The following WWOX variants were observed in gnomAD, a reference collection of about 807,000 sequenced individuals.
WWOX encodes the protein WW domain containing oxidoreductase, also known as WW domain-containing oxidoreductase.
Under a neutral mutation model 46.2 loss-of-function variants are expected in WWOX, and 69 were observed. That is an observed-to-expected ratio of 1.49 (90% CI 1.23 to 1.82). WWOX has a LOEUF of 1.82. Ranked by LOEUF, WWOX falls within the 40% of genes most tolerant of loss-of-function variation. WWOX has a pLI of 0.00. For missense variants in WWOX, 919 were observed against 542.6 expected, an observed-to-expected ratio of 1.69 and a Z score of -6.89; for synonymous variants, 359 against 202.6, an observed-to-expected ratio of 1.77 and a Z score of -6.56.
chr16:78,874,853 C>T (rs985594149), intron 8 of WWOX, among the ~76,000 whole-genome samples: 1 of 152,104 alleles, frequency 6.6e-6, no homozygotes, highest in South Asian at 2.1e-4. Flanking sequence ...ACTGGACTTT[C>T]CTACAGCAAG....
chr16:78,802,103 C>T (rs1275796221), intron 8 of WWOX, among the ~76,000 whole-genome samples: 1 of 151,844 alleles, frequency 6.6e-6, no homozygotes, highest in Non-Finnish European at 1.5e-5. Context: ...AAGGAATGTG[C>T]CTGTGCGTGA....
At chr16:79,108,515 T>A (rs1381101217) in intron 8 of WWOX, among the ~76,000 whole-genome samples, 2 of 152,244 alleles carry the variant, frequency 1.3e-5, no homozygotes, top group Non-Finnish European at 2.9e-5. Context: ...AGCTGTGCAG[T>A]CCTGGATGAA....
chr16:78,743,095 A>G (rs751273729), intron 8 of WWOX, among the ~76,000 whole-genome samples: 55 of 151,934 alleles, frequency 3.6e-4, no homozygotes, highest in Non-Finnish European at 6.3e-4. Context: ...CGAAGGAAAC[A>G]TCCGTCTCTC....
chr16:78,984,036 C>T (rs1204960654), intron 8 of WWOX, among the ~76,000 whole-genome samples: 2 of 150,974 alleles, frequency 1.3e-5, no homozygotes, highest in African/African-American at 4.9e-5. Context: ...TGCCACCATG[C>T]CCGGCTATTT....
intron 8 of WWOX, among the ~76,000 whole-genome samples, chr16:79,039,475 G>C (rs550256073): frequency 7.9e-5 from 12 of 152,130 alleles, no homozygotes; most frequent in Admixed American, 1.3e-4. Context: ...AACCAGAGGC[G>C]ACGCATTTGC....
chr16:78,706,486 C>G (rs2142310347), intron 8 of WWOX, among the ~76,000 whole-genome samples: 1 of 152,322 alleles, frequency 6.6e-6, no homozygotes, highest in East Asian at 1.9e-4. Context: ...GGCTCTTCCT[C>G]TCCTCTTTTT....
intron 8 of WWOX, among the ~76,000 whole-genome samples, chr16:78,851,818 C>G (rs1202738672): frequency 6.6e-6 from 1 of 152,160 alleles, no homozygotes; most frequent in Non-Finnish European, 1.5e-5. Context: ...ATTTCACTTG[C>G]TAATGCATTT....
intron 5 of WWOX, among the ~76,000 whole-genome samples, chr16:78,385,005 G>A (rs1443444762): frequency 6.6e-6 from 1 of 152,076 alleles, no homozygotes; most frequent in African/African-American, 2.4e-5. Context: ...GTGTTGGCAC[G>A]CACCTGTAGT....
At chr16:79,189,689 T>C (rs1284044507) in intron 8 of WWOX, among the ~76,000 whole-genome samples, 2 of 152,056 alleles carry the variant, frequency 1.3e-5, no homozygotes, top group African/African-American at 4.8e-5. Flanking sequence ...CAATAGATGT[T>C]AGCTAGGAGA....
At chr16:78,533,617 T>G (rs768371149) in intron 8 of WWOX, among the ~76,000 whole-genome samples, 13 of 152,152 alleles carry the variant, frequency 8.5e-5, no homozygotes, top group Non-Finnish European at 1.8e-4. Flanking sequence ...TAGAAAATCC[T>G]GGGCTGGCCT....
At chr16:79,179,020 T>A (rs2050857569) in intron 8 of WWOX, among the ~76,000 whole-genome samples, 3 of 152,188 alleles carry the variant, frequency 2.0e-5, no homozygotes, top group Non-Finnish European at 4.4e-5. Flanking sequence ...ATCAGTCTAC[T>A]GTGCTAAACC....
intron 7 of WWOX, among the ~76,000 whole-genome samples, chr16:78,429,013 T>C (rs2083153916): frequency 1.3e-5 from 2 of 152,204 alleles, no homozygotes; most frequent in Non-Finnish European, 2.9e-5. Context: ...TTTGTTTTTT[T>C]TATTAAGGAC....
chr16:79,200,443 T>C (rs536721596), intron 8 of WWOX, among the ~76,000 whole-genome samples: 1 of 152,158 alleles, frequency 6.6e-6, no homozygotes, highest in Non-Finnish European at 1.5e-5. Flanking sequence ...AGACCTCAGT[T>C]TGAATCTGAG....
intron 8 of WWOX, among the ~76,000 whole-genome samples, chr16:78,641,784 G>A (rs117840246): frequency 0.014 from 2,056 of 152,190 alleles, 30 homozygotes; most frequent in Middle Eastern, 0.078. Flanking sequence ...CCCTCCACTC[G>A]CCTGGGTCAT....
chr16:79,127,904 G>T (rs1324309987), intron 8 of WWOX, among the ~76,000 whole-genome samples: 2 of 152,126 alleles, frequency 1.3e-5, no homozygotes, highest in African/African-American at 4.8e-5. Flanking sequence ...GGAGAAGATT[G>T]GATTCAGGGC....
At chr16:79,185,219 C>G (rs2050989471) in intron 8 of WWOX, among the ~76,000 whole-genome samples, 1 of 152,092 alleles carries the variant, frequency 6.6e-6, no homozygotes. Context: ...CTTACAGTCC[C>G]AAATAGCATC....
chr16:78,932,398 T>C (rs369904415), intron 8 of WWOX, among the ~76,000 whole-genome samples: 1 of 152,172 alleles, frequency 6.6e-6, no homozygotes, highest in Non-Finnish European at 1.5e-5. Context: ...ATAGACAGCC[T>C]ATGCCTGGAT....
chr16:78,565,051 G>A (rs1304500249), intron 8 of WWOX, among the ~76,000 whole-genome samples: 5 of 152,128 alleles, frequency 3.3e-5, no homozygotes, highest in Admixed American at 3.3e-4. Flanking sequence ...TTCTTGAACT[G>A]TTCTCTCCCC....
intron 8 of WWOX, among the ~76,000 whole-genome samples, chr16:78,889,107 G>T (rs748141420): frequency 6.6e-6 from 1 of 152,110 alleles, no homozygotes; most frequent in East Asian, 1.9e-4. Flanking sequence ...TTCACTGCCT[G>T]CCCTGTGGAG....
Sources: allele counts gnomAD v4.1 joint callset (sites outside exome capture counted in the v4.1 genomes callset), GRCh38; gene constraint gnomAD v4.1.1; transcripts MANE v1.5; gene names NCBI Gene and HGNC (gene_info 2026-07-23, HGNC 2026-07-21).